The following DOCK7 variants were observed in gnomAD, a reference collection of about 807,000 sequenced individuals.
DOCK7 encodes the protein dedicator of cytokinesis protein 7.
DOCK7 carries 138 observed loss-of-function variants against 271.0 expected under a neutral mutation model. The observed-to-expected ratio is 0.51, with a 90% confidence interval of 0.44 to 0.59. The LOEUF is 0.59. DOCK7 is among the 20% of genes least tolerant of loss of function. The pLI is 0.00. For synonymous variants in DOCK7, 823 were observed against 876.1 expected (o/e 0.94, Z 1.07); for missense variants, 2,066 against 2,592.4 (o/e 0.80, Z 4.41).
intron 1 of DOCK7, among the ~76,000 whole-genome samples, chr1:62,686,752 A>C (rs1661803622): frequency 6.6e-6 from 1 of 152,170 alleles, no homozygotes; most frequent in Non-Finnish European, 1.5e-5. Context: ...AACTTGGCCA[A>C]AGTCCCAAGC....
Position 62,580,030 on chromosome 1 carries a change from C to G in DOCK7, c.1872-1064G>C, listed in dbSNP as rs574460182. On this transcript the variant is annotated intron_variant, in intron 16 of 49. Coordinates refer to ENST00000635253, the MANE Select transcript of DOCK7 (RefSeq NM_001367561.1). ...TATTCATAACAAAAAGGGATAAAAC[C>G]TTAGCATCCCAACCTTCCATATTCA... Among the ~76,000 whole-genome samples the G allele has an allele frequency of 7.9e-5, 12 of 152,156 alleles. No homozygotes were observed. The East Asian group carries it at 1.9e-3, about 24-fold the overall frequency.
At chr1:62,541,134 ATTT>A (rs1645515408) in intron 25 of DOCK7, among the ~76,000 whole-genome samples, 1 of 29,824 alleles carries the variant, frequency 3.4e-5, no homozygotes, top group Non-Finnish European at 1.3e-4. Context: ...AGTTTCAGTG[ATTT>A]CAGCTTTATA....
intron 7 of DOCK7, among the ~76,000 whole-genome samples, chr1:62,637,599 C>G (rs528692294): frequency 5.9e-4 from 90 of 152,240 alleles, no homozygotes; most frequent in African/African-American, 2.1e-3. Context: ...TTGTAATAAC[C>G]CTGCTCCACA....
At chr1:62,461,718 A>C (rs930281263) in intron 48 of DOCK7, among the ~76,000 whole-genome samples, 3 of 148,556 alleles carry the variant, frequency 2.0e-5, no homozygotes, top group African/African-American at 7.7e-5. Flanking sequence ...AAATAAAATA[A>C]AATAAAATAA....
intron 14 of DOCK7, chr1:62,597,676 T>C: frequency 6.2e-7 from 1 of 1,613,552 alleles, no homozygotes. Context: ...AAATCAAGAT[T>C]TGCTATGTTA....
intron 18 of DOCK7, among the ~76,000 whole-genome samples, chr1:62,569,183 C>T (rs1232417337): frequency 6.6e-6 from 1 of 152,126 alleles, no homozygotes; most frequent in Non-Finnish European, 1.5e-5. Flanking sequence ...GGTACCATTT[C>T]CTCTAAAACT....
intron 30 of DOCK7, 104 bp downstream of exon 30, chr1:62,529,173 C>A: frequency 1.7e-6 from 2 of 1,176,300 alleles, no homozygotes; most frequent in Non-Finnish European, 2.3e-6. Context: ...GATCAGCACA[C>A]AATTCTTATT....
intron 37 of DOCK7, among the ~76,000 whole-genome samples, chr1:62,502,072 C>T (rs1159351421): frequency 1.3e-5 from 2 of 151,948 alleles, no homozygotes; most frequent in African/African-American, 4.8e-5. Context: ...AGTGAACTTT[C>T]ACTATTTGCT....
At chr1:62,684,108 C>T (rs542930171) in intron 1 of DOCK7, among the ~76,000 whole-genome samples, 25 of 151,378 alleles carry the variant, frequency 1.7e-4, no homozygotes, top group Non-Finnish European at 3.5e-4. Flanking sequence ...GGCGTGGTGA[C>T]GAGGACAGGA....
chr1:62,486,844 T>A (rs1022369549), intron 43 of DOCK7: 2 of 152,094 alleles, frequency 1.3e-5, no homozygotes, highest in Non-Finnish European at 1.5e-5. Context: ...TAAAATGTAC[T>A]TTTTTTGCTC....
chr1:62,584,254 T>C (rs1178857086), intron 15 of DOCK7: 13 of 975,198 alleles, frequency 1.3e-5, no homozygotes, highest in Non-Finnish European at 1.6e-5. Flanking sequence ...GTAATAATTA[T>C]GACTTTCCTA....
Position 62,457,852 on chromosome 1 carries a change from TACAC to T in DOCK7, c.6213-151_6213-148del, listed in dbSNP as rs1210697869. 1.5e-5 allele frequency: 11 copies of T among 719,414 alleles called. No homozygotes were observed. In the Admixed American group the frequency reaches 1.9e-4, roughly 12 times the overall value. The allele number at this position is 719,414 out of a possible 1,614,324, so 44.6% of individuals were successfully genotyped here. ...ATATGTGGGCCTAATCACACACACA[TACAC>T]ACAAAAATATAGGCCAGGCATGGTG... On this transcript the variant is annotated intron_variant, in intron 48 of 49. Transcript: ENST00000635253.
chr1:62,678,546 A>G (rs1370715263), intron 1 of DOCK7, among the ~76,000 whole-genome samples: 7 of 152,208 alleles, frequency 4.6e-5, no homozygotes, highest in African/African-American at 4.8e-5. Context: ...TGGAAACTCA[A>G]TATTATAAGG....
chr1:62,688,160 G>A (rs1418444015), intron 1 of DOCK7, 67 bp downstream of exon 1: 1 of 1,307,240 alleles, frequency 7.6e-7, no homozygotes, highest in Non-Finnish European at 9.8e-7. Flanking sequence ...TCCTAGGCCA[G>A]GCCTGGGAGG....
intron 11 of DOCK7, among the ~76,000 whole-genome samples, 200 bp downstream of exon 11, chr1:62,631,040 C>G (rs1654562686): frequency 6.6e-6 from 1 of 151,880 alleles, no homozygotes; most frequent in Non-Finnish European, 1.5e-5. Context: ...CAAAAATTAG[C>G]CAGGCGTGGT....
intron 5 of DOCK7, 30 bp from the exon 6 acceptor site, chr1:62,648,348 A>G: frequency 7.0e-7 from 1 of 1,433,346 alleles, no homozygotes; most frequent in Admixed American, 2.4e-5. Context: ...ATATAAATAT[A>G]TTAATTAATA....
chr1:62,613,688 C>T lies in DOCK7; in HGVS notation c.1682+5018G>A, dbSNP rs528483458. On this transcript the variant is annotated intron_variant, in intron 14 of 49. Transcript: ENST00000635253. Reference sequence around the variant, plus strand: ...TTTCAGAATACAGTTCTCTTTCCTACGATTTCTCAACTCAGTCAAATGCTT... The same window carrying T: ...TTTCAGAATACAGTTCTCTTTCCTATGATTTCTCAACTCAGTCAAATGCTT... 3.3e-5 allele frequency among the ~76,000 whole-genome samples: 5 copies of T among 152,206 alleles called. No homozygotes were observed. In the South Asian group the frequency reaches 6.2e-4, roughly 19 times the overall value.
At chr1:62,643,103 G>T in intron 7 of DOCK7, among the ~76,000 whole-genome samples, 1 of 151,306 alleles carries the variant, frequency 6.6e-6, no homozygotes, top group East Asian at 1.9e-4. Context: ...CTGGACAATG[G>T]GAAAAGCATA....
At chr1:62,688,114 G>A (rs1662047833) in intron 1 of DOCK7, 113 bp downstream of exon 1, 4 of 1,163,254 alleles carry the variant, frequency 3.4e-6, no homozygotes, top group Non-Finnish European at 4.3e-6. Context: ...GCCAGGCCGC[G>A]GGATCCCGGT....
Sources: allele counts gnomAD v4.1 joint callset (sites outside exome capture counted in the v4.1 genomes callset), GRCh38; gene constraint gnomAD v4.1.1; transcripts MANE v1.5; gene names NCBI Gene and HGNC (gene_info 2026-07-23, HGNC 2026-07-21).